STK4: variants seen among roughly 807,000 people sequenced by gnomAD.
STK4 encodes the protein serine/threonine-protein kinase 4.
Under a neutral mutation model 64.9 loss-of-function variants are expected in STK4, and 30 were observed. That is an observed-to-expected ratio of 0.46 (90% CI 0.35 to 0.63). The LOEUF (loss-of-function observed/expected upper bound fraction) is 0.63, where lower values mean the gene tolerates loss of function less well. STK4 is among the 20% of genes least tolerant of loss of function. The probability of loss-of-function intolerance (pLI) is 0.01; values close to 1 mark genes in which losing one functional copy is unlikely to be tolerated. For missense variants in STK4, 466 were observed against 598.5 expected (o/e 0.78, Z 2.31); for synonymous variants, 177 against 199.0 (o/e 0.89, Z 0.93).
intron 10 of STK4, among the ~76,000 whole-genome samples, chr20:45,062,255 G>A (rs1979100578): frequency 6.6e-6 from 1 of 152,132 alleles, no homozygotes; most frequent in African/African-American, 2.4e-5. Flanking sequence ...TTGCTGCAGA[G>A]GACATGATCT....
chr20:45,015,965 T>C (rs547190694), intron 9 of STK4, among the ~76,000 whole-genome samples: 1 of 152,360 alleles, frequency 6.6e-6, no homozygotes, highest in South Asian at 2.1e-4. Context: ...TCCTTTTCTC[T>C]TGATACTAAC....
intron 9 of STK4, among the ~76,000 whole-genome samples, chr20:45,002,522 T>G (rs962168152): frequency 6.6e-6 from 1 of 152,232 alleles, no homozygotes; most frequent in African/African-American, 2.4e-5. Context: ...CTGTTGCAGA[T>G]TTTGTAATTC....
chr20:45,000,132 C>T (rs1273207495), intron 7 of STK4, among the ~76,000 whole-genome samples: 2 of 152,182 alleles, frequency 1.3e-5, no homozygotes, highest in Non-Finnish European at 2.9e-5. Context: ...ATGATACTCC[C>T]TATTGAGAAT....
rs138954362 is a variant in STK4 at position 44,989,309 on chromosome 20, G to A, written c.525+2013G>A. ...TTTTTGATTATAACCATCCTAGTGA[G>A]TATGAGGCAGTATCTCTTTGTGGTC... is the stretch of plus-strand genomic sequence containing the variant. On this transcript the variant is annotated intron_variant, in intron 5 of 10. Transcript: ENST00000372806. 2.2e-3 allele frequency among the ~76,000 whole-genome samples: 340 copies of A among 152,266 alleles called. 1 individual carries two copies. Among genetic ancestry groups the A allele is most frequent in the African/African-American group, 8.0e-3 (332 of 41,550 alleles).
intron 10 of STK4, among the ~76,000 whole-genome samples, chr20:45,042,386 A>G (rs1295298339): frequency 1.3e-5 from 2 of 152,172 alleles, no homozygotes; most frequent in South Asian, 4.1e-4. Flanking sequence ...ATCCAAAGAA[A>G]GGGTCTCTAT....
intron 10 of STK4, among the ~76,000 whole-genome samples, chr20:45,056,033 A>G (rs1011856698): frequency 2.6e-5 from 4 of 152,124 alleles, no homozygotes; most frequent in Admixed American, 1.3e-4. Context: ...GCCGGGCCCA[A>G]TTATCTTTCT....
intron 3 of STK4, among the ~76,000 whole-genome samples, chr20:44,980,005 G>GCGTCTACTCT (rs1392575535): frequency 6.6e-6 from 1 of 152,174 alleles, no homozygotes; most frequent in Non-Finnish European, 1.5e-5. Context: ...ATATTTTCAA[G>GCGTCTACTCT]CGTCTACTCT....
intron 4 of STK4, among the ~76,000 whole-genome samples, chr20:44,982,354 C>T (rs1275754676): frequency 6.7e-6 from 1 of 150,116 alleles, no homozygotes; most frequent in Non-Finnish European, 1.5e-5. Flanking sequence ...AGGCTGGTTT[C>T]GAACTCCTGG....
chr20:44,981,458 T>A (rs2067438381), intron 3 of STK4, among the ~76,000 whole-genome samples: 1 of 152,168 alleles, frequency 6.6e-6, no homozygotes, highest in African/African-American at 2.4e-5. Context: ...CCTGGCCCTG[T>A]ATCATTATTT....
intron 1 of STK4, among the ~76,000 whole-genome samples, chr20:44,968,493 C>T (rs1020676414): frequency 2.0e-5 from 3 of 152,216 alleles, no homozygotes; most frequent in African/African-American, 7.2e-5. Flanking sequence ...TTTCACAGGT[C>T]TCTGTGTATG....
At chr20:45,068,130 T>C (rs1979745554) in intron 10 of STK4, among the ~76,000 whole-genome samples, 1 of 152,184 alleles carries the variant, frequency 6.6e-6, no homozygotes, top group South Asian at 2.1e-4. Flanking sequence ...ACGAATAATG[T>C]CCTCCATTGA....
At chr20:45,049,012 GTTT>G (rs1295887469) in intron 10 of STK4, among the ~76,000 whole-genome samples, 1 of 151,714 alleles carries the variant, frequency 6.6e-6, no homozygotes, top group African/African-American at 2.4e-5. Context: ...TTTCAAAACA[GTTT>G]TTTCCTGATG....
rs1009000484 is a variant in STK4 at position 45,075,296 on chromosome 20, A to C, written c.*120A>C. On this transcript the variant is annotated 3_prime_UTR_variant, in exon 11 of 11. Coordinates refer to ENST00000372806, the MANE Select transcript of STK4 (RefSeq NM_006282.5). The stretch of plus-strand genomic sequence containing the variant: ...TCGTCTCTCCACAGCACCTTTGTGA[A>C]CTCAGGAATGTGCGCCAGTGGGAAG... 7.4e-7 allele frequency: 1 copy of C among 1,347,006 alleles called. No homozygotes were observed. The highest frequency in any genetic ancestry group is 1.0e-6 in the Non-Finnish European group (1 of 997,818). The allele number at this position is 1,347,006 out of a possible 1,614,324, so 83.4% of individuals were successfully genotyped here.
At chr20:44,999,067 CAA>C (rs71339807) in intron 7 of STK4, among the ~76,000 whole-genome samples, 2 of 127,706 alleles carry the variant, frequency 1.6e-5, no homozygotes, top group Admixed American at 8.1e-5. Flanking sequence ...GACTCCATCT[CAA>C]AAAAAAAAAA....
intron 4 of STK4, among the ~76,000 whole-genome samples, chr20:44,985,523 A>G (rs1250702147): frequency 6.6e-6 from 1 of 152,044 alleles, no homozygotes; most frequent in Admixed American, 6.6e-5. Context: ...TTGTATTTTT[A>G]GTAGAGACAG....
At chr20:45,013,263 GTT>G (rs1026877411) in intron 9 of STK4, among the ~76,000 whole-genome samples, 4 of 151,828 alleles carry the variant, frequency 2.6e-5, no homozygotes, top group African/African-American at 9.7e-5. Context: ...GGCTAAATAA[GTT>G]TTGGTTTATT....
At chr20:45,053,720 T>C (rs16989643) in intron 10 of STK4, among the ~76,000 whole-genome samples, 4,273 of 152,234 alleles carry the variant, frequency 0.028, 185 homozygotes, top group African/African-American at 0.092. Context: ...AATGATAAAC[T>C]TTCAGAATTG....
chr20:44,988,539 A>G (rs1217060654), intron 5 of STK4, among the ~76,000 whole-genome samples: 16,711 of 111,350 alleles, frequency 0.15, 1,462 homozygotes, highest in East Asian at 0.22. Context: ...GTGTGTATAT[A>G]TATATATATA....
At chr20:45,069,173 A>G (rs1979840614) in intron 10 of STK4, among the ~76,000 whole-genome samples, 1 of 152,192 alleles carries the variant, frequency 6.6e-6, no homozygotes, top group South Asian at 2.1e-4. Flanking sequence ...TCCTTTACCC[A>G]AGACTGATGT....
Sources: allele counts gnomAD v4.1 joint callset (sites outside exome capture counted in the v4.1 genomes callset), GRCh38; gene constraint gnomAD v4.1.1; transcripts MANE v1.5; gene names NCBI Gene and HGNC (gene_info 2026-07-23, HGNC 2026-07-21).